The following CNTN6 variants were observed in gnomAD, a reference collection of about 807,000 sequenced individuals.
The protein encoded by CNTN6 is contactin-6.
Under a neutral mutation model 122.8 loss-of-function variants are expected in CNTN6, and 137 were observed. The observed-to-expected ratio is 1.12, with a 90% CI of 0.97 to 1.29. The LOEUF is 1.29. Among genes scored for constraint, CNTN6 ranks in the 50% most tolerant of loss-of-function variants. The pLI, the probability that CNTN6 is intolerant of heterozygous loss-of-function variation, is 0.00. For synonymous variants in CNTN6, 570 were observed against 426.0 expected (o/e 1.34, Z -4.16); for missense variants, 1,634 against 1,223.4 (o/e 1.34, Z -5.01).
chr3:1,400,613 G>A (rs922251527), intron 20 of CNTN6, among the ~76,000 whole-genome samples: 3 of 152,000 alleles, frequency 2.0e-5, no homozygotes, highest in African/African-American at 2.4e-5. Context: ...TATTTTAAAC[G>A]GCATGCATCT....
intron 7 of CNTN6, among the ~76,000 whole-genome samples, chr3:1,321,124 T>A (rs951982742): frequency 1.3e-5 from 2 of 151,626 alleles, no homozygotes; most frequent in Admixed American, 6.6e-5. Flanking sequence ...CCATCCCATG[T>A]CTTCAGTTAC....
chr3:1,150,658 T>G (rs2092820703), intron 2 of CNTN6, among the ~76,000 whole-genome samples: 1 of 152,236 alleles, frequency 6.6e-6, no homozygotes, highest in South Asian at 2.1e-4. Context: ...ATACAGTTAA[T>G]AATTATATAC....
chr3:1,105,718 A>G (rs1399199308), intron 1 of CNTN6, among the ~76,000 whole-genome samples: 3 of 152,188 alleles, frequency 2.0e-5, no homozygotes, highest in African/African-American at 7.2e-5. Context: ...CAAGTCTACA[A>G]CTTAAAGTTT....
At chr3:1,111,859 T>G (rs2091495786) in intron 1 of CNTN6, among the ~76,000 whole-genome samples, 1 of 152,154 alleles carries the variant, frequency 6.6e-6, no homozygotes, top group Non-Finnish European at 1.5e-5. Flanking sequence ...GGTAGTATGC[T>G]TGTTGTAAGT....
Position 1,325,876 on chromosome 3 carries a change from C to G in CNTN6, c.1008C>G (p.Leu336=), listed in dbSNP as rs1701468786. 4 of 1,611,922 alleles carry G rather than the reference C, an allele frequency of 2.5e-6. No individual in the cohort carries two copies. Among genetic ancestry groups the G allele is most frequent in the Non-Finnish European group, 3.4e-6 (4 of 1,178,698 alleles). ...ACCTCTCTATCTATGACAACTTGCT[C>G]TGGGAATGTAAAGCTAGTGGAAAGC... ...NTHLSIYDNL[L]WECKASGKPN... The change falls in exon 9 of 23, where the codon CTC becomes CTG. Residue 336 remains leucine, a synonymous_variant. Coordinates refer to ENST00000446702, the MANE Select transcript of CNTN6 (RefSeq NM_001289080.2).
At position 1,338,287 on chromosome 3, in the gene CNTN6, T is replaced by G. The variant is rs1362315036; in HGVS notation, c.1364+8352T>G. On this transcript the variant is annotated intron_variant, in intron 11 of 22. Coordinates refer to ENST00000446702, the MANE Select transcript of CNTN6 (RefSeq NM_001289080.2). ...GTGAATTCATGGGCTGCGATATCAGTCAGTTTCAAATTTGATCATGCACCA... is the reference window on the plus strand; with the variant it reads ...GTGAATTCATGGGCTGCGATATCAGGCAGTTTCAAATTTGATCATGCACCA... Among the ~76,000 whole-genome samples, 4 of 152,290 alleles carry G rather than the reference T, an allele frequency of 2.6e-5. No homozygotes were observed. In the East Asian group the frequency reaches 7.7e-4, roughly 29 times the overall value.
chr3:1,149,906 G>A (rs1429562659), intron 2 of CNTN6, among the ~76,000 whole-genome samples: 1 of 152,100 alleles, frequency 6.6e-6, no homozygotes, highest in Admixed American at 6.6e-5. Context: ...CTCAGAACAC[G>A]TATCAAATCT....
At chr3:1,097,853 A>C (rs2090614546) in intron 1 of CNTN6, among the ~76,000 whole-genome samples, 1 of 152,156 alleles carries the variant, frequency 6.6e-6, no homozygotes, top group African/African-American at 2.4e-5. Flanking sequence ...CAATTGGGTA[A>C]AAATAATATA....
chr3:1,228,055 A>G, intron 4 of CNTN6, 62 bp downstream of exon 4: 1 of 1,480,896 alleles, frequency 6.8e-7, no homozygotes, highest in East Asian at 2.3e-5. Flanking sequence ...TCTGATACAC[A>G]CATTTTAAAA....
chr3:1,273,324 T>C (rs1405151349), intron 4 of CNTN6, among the ~76,000 whole-genome samples: 1 of 152,178 alleles, frequency 6.6e-6, no homozygotes, highest in Non-Finnish European at 1.5e-5. Flanking sequence ...GCAATTTTCT[T>C]TTAAGCAAAA....
At chr3:1,129,865 G>C (rs2092288692) in intron 1 of CNTN6, among the ~76,000 whole-genome samples, 1 of 136,368 alleles carries the variant, frequency 7.3e-6, no homozygotes, top group Non-Finnish European at 1.5e-5. Flanking sequence ...TTTACATCAA[G>C]ACTCTATTCA....
intron 7 of CNTN6, among the ~76,000 whole-genome samples, chr3:1,306,996 C>G (rs754567948): frequency 6.6e-6 from 1 of 152,152 alleles, no homozygotes; most frequent in Non-Finnish European, 1.5e-5. Flanking sequence ...ATACCTCATT[C>G]CATCATTAAT....
intron 2 of CNTN6, among the ~76,000 whole-genome samples, chr3:1,216,444 T>G (rs887775733): frequency 3.9e-5 from 6 of 152,228 alleles, no homozygotes; most frequent in Non-Finnish European, 8.8e-5. Context: ...GTTCCTTTTC[T>G]TTTCAGGCAT....
At chr3:1,219,324 G>C (rs1457927683) in intron 2 of CNTN6, among the ~76,000 whole-genome samples, 1 of 152,172 alleles carries the variant, frequency 6.6e-6, no homozygotes, top group East Asian at 1.9e-4. Context: ...AAAGAGCACA[G>C]CATCCTGAAT....
At chr3:1,388,310 C>A (rs1000091680) in intron 20 of CNTN6, among the ~76,000 whole-genome samples, 5 of 147,028 alleles carry the variant, frequency 3.4e-5, no homozygotes, top group East Asian at 4.0e-4. Context: ...ACACTGACAC[C>A]TCACACGGCA....
chr3:1,324,496 G>A lies in CNTN6; in HGVS notation c.947-1319G>A, dbSNP rs554317061. On this transcript the variant is annotated intron_variant, in intron 8 of 22. Coordinates refer to ENST00000446702, the MANE Select transcript of CNTN6 (RefSeq NM_001289080.2). ...GTTCTGGGTTTTCTTTGGCTCCTTC[G>A]TGAGCCTACTCAGCATTTAAGCATG... is the stretch of plus-strand genomic sequence containing the variant. Among the ~76,000 whole-genome samples, 20 of 149,646 alleles carry A rather than the reference G, an allele frequency of 1.3e-4. 3 individuals carry two copies. The highest frequency in any genetic ancestry group is 4.6e-4 in the African/African-American group (18 of 39,396).
At chr3:1,338,532 C>T (rs1262367839) in intron 11 of CNTN6, among the ~76,000 whole-genome samples, 1 of 152,114 alleles carries the variant, frequency 6.6e-6, no homozygotes, top group African/African-American at 2.4e-5. Context: ...CACCCCAGAA[C>T]TTTGATTCCT....
intron 1 of CNTN6, among the ~76,000 whole-genome samples, chr3:1,143,107 C>A (rs1422674775): frequency 1.3e-5 from 2 of 151,278 alleles, no homozygotes; most frequent in Non-Finnish European, 2.9e-5. Flanking sequence ...ATCTAAGCAA[C>A]CACACATTGC....
chr3:1,369,992 T>C (rs1245681646), intron 12 of CNTN6, among the ~76,000 whole-genome samples: 1 of 152,076 alleles, frequency 6.6e-6, no homozygotes, highest in Non-Finnish European at 1.5e-5. Context: ...AAGTCTAAAG[T>C]ATATAAAGTA....
Sources: allele counts gnomAD v4.1 joint callset (sites outside exome capture counted in the v4.1 genomes callset), GRCh38; gene constraint gnomAD v4.1.1; transcripts MANE v1.5; gene names NCBI Gene and HGNC (gene_info 2026-07-23, HGNC 2026-07-21).